The following CLSTN2 variants were observed in gnomAD, a reference collection of about 807,000 sequenced individuals.
The protein encoded by CLSTN2 is calsyntenin 2, also known as calsyntenin-2.
Under a neutral mutation model 101.2 loss-of-function variants are expected in CLSTN2, and 48 were observed. The observed-to-expected ratio is 0.47, with a 90% CI of 0.38 to 0.60. The LOEUF is 0.60. Ranked by LOEUF, CLSTN2 falls within the 20% of genes least tolerant of loss-of-function variation. The pLI is 0.00. For missense variants in CLSTN2, 1,160 were observed against 1,238.2 expected (o/e 0.94, Z 0.95); for synonymous variants, 481 against 463.6 (o/e 1.04, Z -0.48).
chr3:140,461,306 A>C (rs1933557589), intron 7 of CLSTN2: 1 of 152,212 alleles, frequency 6.6e-6, no homozygotes, highest in African/African-American at 2.4e-5. Context: ...GACGCAGTTC[A>C]GTAGCCTGTG....
At chr3:140,037,550 T>C (rs150232641) in intron 1 of CLSTN2, among the ~76,000 whole-genome samples, 332 of 152,270 alleles carry the variant, frequency 2.2e-3, no homozygotes, top group African/African-American at 7.0e-3. Context: ...TCGTCTTTTT[T>C]TTTTTCATTC....
intron 8 of CLSTN2, among the ~76,000 whole-genome samples, chr3:140,476,813 C>A (rs1003625596): frequency 6.6e-6 from 1 of 152,110 alleles, no homozygotes; most frequent in Non-Finnish European, 1.5e-5. Flanking sequence ...TGCCTGCCAC[C>A]ATGCCCAGCT....
At chr3:140,324,601 T>G (rs1169695763) in intron 2 of CLSTN2, among the ~76,000 whole-genome samples, 1 of 152,238 alleles carries the variant, frequency 6.6e-6, no homozygotes, top group Non-Finnish European at 1.5e-5. Context: ...TTTCCAAAAT[T>G]TGTATGATTC....
At chr3:140,384,260 C>T (rs545731238) in intron 2 of CLSTN2, among the ~76,000 whole-genome samples, 1 of 152,374 alleles carries the variant, frequency 6.6e-6, no homozygotes, top group East Asian at 1.9e-4. Context: ...TCCACCATTT[C>T]ATTCCTGCTC....
At position 140,490,115 on chromosome 3, in the gene CLSTN2, TATACACACACACACAC is replaced by T. The variant is rs1934322997; in HGVS notation, c.1344+23386_1344+23401del. ...ATATATATATATATATATATATATA[TATACACACACACACAC>T]ACACACACACACACACACACACACA... On this transcript the variant is annotated intron_variant, in intron 8 of 16. Coordinates refer to ENST00000458420, the MANE Select transcript of CLSTN2 (RefSeq NM_022131.3). Among the ~76,000 whole-genome samples, 2 of 7,748 alleles carry T rather than the reference TATACACACACACACAC, an allele frequency of 2.6e-4. 1 individual carries two copies. The highest frequency in any genetic ancestry group is 1.3e-3 in the African/African-American group (2 of 1,546). The allele number at this position is 7,748 out of a possible 152,430, so 5.1% of individuals were successfully genotyped here.
rs143685341 is a variant in CLSTN2 at position 140,402,714 on chromosome 3, G to A, written c.233-915G>A. ...GAAGCATTGTCAGACCAGGGCTGGA[G>A]CATCTTAGGGTAGATGCCTCCCACC... On this transcript the variant is annotated intron_variant, in intron 2 of 16. Coordinates refer to ENST00000458420, the MANE Select transcript of CLSTN2 (RefSeq NM_022131.3). 5.0e-3 allele frequency among the ~76,000 whole-genome samples: 768 copies of A among 152,302 alleles called. 9 individuals carry two copies. Among genetic ancestry groups the A allele is most frequent in the African/African-American group, 0.018 (742 of 41,566 alleles).
intron 8 of CLSTN2, among the ~76,000 whole-genome samples, chr3:140,473,843 C>T (rs904464392): frequency 1.3e-5 from 2 of 151,962 alleles, no homozygotes; most frequent in Non-Finnish European, 2.9e-5. Flanking sequence ...CTGTAAGCTC[C>T]GCCTCCCGGG....
chr3:140,093,409 TCTTC>T (rs535514841), intron 1 of CLSTN2, among the ~76,000 whole-genome samples: 1 of 152,280 alleles, frequency 6.6e-6, no homozygotes, highest in East Asian at 1.9e-4. Context: ...GTTAGCTGTC[TCTTC>T]CTTTAGCCTC....
At position 140,235,154 on chromosome 3, in the gene CLSTN2, C is replaced by T. The variant is rs189196657; in HGVS notation, c.232+59081C>T. 1.4e-3 allele frequency among the ~76,000 whole-genome samples: 208 copies of T among 152,280 alleles called. 7 individuals carry two copies. In the South Asian group the frequency reaches 0.042, roughly 30 times the overall value. On this transcript the variant is annotated intron_variant, in intron 2 of 16. Transcript: ENST00000458420. ...AATATGACAAGTATTTCTAGCACAT[C>T]GAAGTTTCAAAATATATTCGTTGTG... is the stretch of plus-strand genomic sequence containing the variant.
intron 1 of CLSTN2, among the ~76,000 whole-genome samples, chr3:139,966,860 A>T (rs1354741679): frequency 6.6e-6 from 1 of 152,126 alleles, no homozygotes; most frequent in African/African-American, 2.4e-5. Context: ...CTGAGGTCCT[A>T]TGCTGATGAC....
chr3:140,439,735 G>A (rs1356650892), intron 5 of CLSTN2, among the ~76,000 whole-genome samples: 2 of 128,276 alleles, frequency 1.6e-5, no homozygotes, highest in Admixed American at 8.5e-5. Flanking sequence ...ACACACACAC[G>A]TGCACGTGCA....
chr3:140,467,776 T>A (rs1220972832), intron 8 of CLSTN2, among the ~76,000 whole-genome samples: 1 of 151,110 alleles, frequency 6.6e-6, no homozygotes, highest in Non-Finnish European at 1.5e-5. Context: ...CCACCCTCTC[T>A]CTGTTCCATC....
intron 1 of CLSTN2, among the ~76,000 whole-genome samples, chr3:139,963,968 C>T (rs1018083742): frequency 6.6e-6 from 1 of 152,196 alleles, no homozygotes; most frequent in Non-Finnish European, 1.5e-5. Context: ...AGGGCAGCTC[C>T]AGGAGCTGTC....
intron 7 of CLSTN2, among the ~76,000 whole-genome samples, chr3:140,465,189 C>T (rs1576582962): frequency 2.0e-5 from 3 of 152,306 alleles, no homozygotes; most frequent in East Asian, 1.9e-4. Context: ...TATGAAGGCT[C>T]ATGAAGTCAT....
At chr3:140,250,265 G>A (rs1317518111) in intron 2 of CLSTN2, among the ~76,000 whole-genome samples, 4 of 152,162 alleles carry the variant, frequency 2.6e-5, no homozygotes, top group South Asian at 2.1e-4. Flanking sequence ...GCCGAGCAAC[G>A]TACTTGGATC....
At chr3:140,550,933 G>C (rs993862083) in intron 10 of CLSTN2, among the ~76,000 whole-genome samples, 1 of 151,586 alleles carries the variant, frequency 6.6e-6, no homozygotes, top group Non-Finnish European at 1.5e-5. Flanking sequence ...GTAAGAACTA[G>C]AGCACCGTGT....
At chr3:140,171,429 G>T in intron 1 of CLSTN2, among the ~76,000 whole-genome samples, 1 of 151,544 alleles carries the variant, frequency 6.6e-6, no homozygotes, top group East Asian at 1.9e-4. Context: ...GAGCAAAATG[G>T]TGGCCTTGGT....
At chr3:140,409,863 C>A (rs549440011) in intron 4 of CLSTN2, among the ~76,000 whole-genome samples, 3 of 151,842 alleles carry the variant, frequency 2.0e-5, no homozygotes, top group Non-Finnish European at 2.9e-5. Context: ...ATAAAAAGAA[C>A]CAAACAAATT....
intron 2 of CLSTN2, among the ~76,000 whole-genome samples, chr3:140,373,660 A>G (rs10804673): frequency 0.96 from 145,613 of 152,120 alleles, 70,003 homozygotes; most frequent in East Asian, 1. Flanking sequence ...ATTAGCTCAG[A>G]AGAGAGAGAG....
Sources: allele counts gnomAD v4.1 joint callset (sites outside exome capture counted in the v4.1 genomes callset), GRCh38; gene constraint gnomAD v4.1.1; transcripts MANE v1.5; gene names NCBI Gene and HGNC (gene_info 2026-07-23, HGNC 2026-07-21).